SPOCK3: variants seen among roughly 807,000 people sequenced by gnomAD.
SPOCK3 encodes testican-3.
In SPOCK3, 30 loss-of-function variants were observed where a neutral mutation model predicts 56.6. That is an observed-to-expected ratio of 0.53 (90% CI 0.40 to 0.72). The LOEUF (loss-of-function observed/expected upper bound fraction) is 0.72, where lower values mean the gene tolerates loss of function less well. SPOCK3 is among the 30% of genes least tolerant of loss of function. The pLI, the probability that SPOCK3 is intolerant of heterozygous loss-of-function variation, is 0.00. For synonymous variants in SPOCK3, 196 were observed against 183.3 expected (o/e 1.07, Z -0.56); for missense variants, 527 against 530.0 (o/e 0.99, Z 0.06).
chr4:166,996,953 G>GTTAC (rs1383042255), intron 4 of SPOCK3, among the ~76,000 whole-genome samples: 1 of 152,034 alleles, frequency 6.6e-6, no homozygotes, highest in African/African-American at 2.4e-5. Context: ...AAAACCAATC[G>GTTAC]TTACATCCCT....
chr4:167,027,637 C>A (rs555881557), intron 3 of SPOCK3, among the ~76,000 whole-genome samples: 1 of 151,940 alleles, frequency 6.6e-6, no homozygotes, highest in African/African-American at 2.4e-5. Flanking sequence ...CGTTAACAGT[C>A]CATTACACAT....
chr4:166,768,006 T>G (rs1258250395), intron 7 of SPOCK3, among the ~76,000 whole-genome samples: 1 of 119,252 alleles, frequency 8.4e-6, no homozygotes, highest in Non-Finnish European at 1.7e-5. Flanking sequence ...AGACTAGGAT[T>G]GCAAACCCTG....
chr4:167,080,331 T>A (rs1331800077), intron 2 of SPOCK3, among the ~76,000 whole-genome samples: 1 of 152,118 alleles, frequency 6.6e-6, no homozygotes, highest in Non-Finnish European at 1.5e-5. Flanking sequence ...CAAACAAGTT[T>A]CCAATTGTCC....
chr4:167,196,033 A>G (rs181509942), intron 2 of SPOCK3, among the ~76,000 whole-genome samples: 1 of 152,308 alleles, frequency 6.6e-6, no homozygotes, highest in Non-Finnish European at 1.5e-5. Context: ...TGTATATTCT[A>G]TCAGTTCTTT....
Position 167,017,978 on chromosome 4 carries a change from T to C in SPOCK3, c.236-17515A>G, listed in dbSNP as rs558700016. Reference sequence around the variant, plus strand: ...AGTAACAAGTCGTATTGTACATTTTTTTCTTTCTCACGAAGGGACTTATTA... The same window carrying C: ...AGTAACAAGTCGTATTGTACATTTTCTTCTTTCTCACGAAGGGACTTATTA... On this transcript the variant is annotated intron_variant, in intron 3 of 10. Transcript: ENST00000357545. 2.6e-5 allele frequency among the ~76,000 whole-genome samples: 4 copies of C among 152,248 alleles called. No homozygotes were observed. In the East Asian group the frequency reaches 7.7e-4, roughly 29 times the overall value.
At chr4:167,026,162 G>A (rs188198238) in intron 3 of SPOCK3, among the ~76,000 whole-genome samples, 3 of 152,022 alleles carry the variant, frequency 2.0e-5, no homozygotes, top group Non-Finnish European at 4.4e-5. Context: ...GTATGTGACT[G>A]TAAATCAATT....
chr4:166,789,036 T>C (rs1259956389), intron 7 of SPOCK3, among the ~76,000 whole-genome samples: 1 of 150,214 alleles, frequency 6.7e-6, no homozygotes, highest in Non-Finnish European at 1.5e-5. Flanking sequence ...AAAATACATT[T>C]TTATTTGGCT....
At position 166,750,124 on chromosome 4, in the gene SPOCK3, TGATTG is replaced by T. The variant is rs201924560; in HGVS notation, c.931+4379_931+4383del. ...TTTAGAATTTCAAGAAAATCATGAC[TGATTG>T]GATTGTTCAAGTATATATAATATTT... On this transcript the variant is annotated intron_variant, in intron 8 of 10. Transcript: ENST00000357545. Among the ~76,000 whole-genome samples, 350 of 152,286 alleles carry T rather than the reference TGATTG, an allele frequency of 2.3e-3. 1 individual carries two copies. Among genetic ancestry groups the T allele is most frequent in the African/African-American group, 7.4e-3 (306 of 41,564 alleles).
intron 2 of SPOCK3, among the ~76,000 whole-genome samples, chr4:167,082,349 A>G (rs1030604785): frequency 1.3e-5 from 2 of 152,078 alleles, no homozygotes; most frequent in Non-Finnish European, 2.9e-5. Flanking sequence ...AAGTTGCCCA[A>G]TATGACCAGA....
Position 166,976,927 on chromosome 4 carries a change from TAATA to T in SPOCK3, c.350+23418_350+23421del, listed in dbSNP as rs570015268. Among the ~76,000 whole-genome samples the T allele has an allele frequency of 2.4e-4, 36 of 151,826 alleles. 1 individual carries two copies. In the South Asian group the frequency reaches 7.2e-3, roughly 31 times the overall value. On this transcript the variant is annotated intron_variant, in intron 4 of 10. Coordinates refer to ENST00000357545, the MANE Select transcript of SPOCK3 (RefSeq NM_001040159.2). ...TTTTATTATACCATTTGATTCTTTTTAATAATTAAATTTATTTAAAATTAAATTT... is the reference window on the plus strand; with the variant it reads ...TTTTATTATACCATTTGATTCTTTTTATTAAATTTATTTAAAATTAAATTT...
At chr4:166,751,863 G>T (rs934019275) in intron 8 of SPOCK3, among the ~76,000 whole-genome samples, 2 of 151,980 alleles carry the variant, frequency 1.3e-5, no homozygotes, top group African/African-American at 4.8e-5. Flanking sequence ...GGATTACTTA[G>T]AATAAAGAAT....
chr4:166,746,203 C>G (rs1163562522), intron 8 of SPOCK3, among the ~76,000 whole-genome samples: 7 of 152,198 alleles, frequency 4.6e-5, no homozygotes, highest in African/African-American at 9.7e-5. Context: ...AGAAGCACAT[C>G]ACACTTATTC....
At chr4:167,225,735 A>G (rs1439863230) in intron 2 of SPOCK3, among the ~76,000 whole-genome samples, 1 of 152,060 alleles carries the variant, frequency 6.6e-6, no homozygotes, top group Non-Finnish European at 1.5e-5. Flanking sequence ...TCAGTTAAGA[A>G]GTTCAGGCAT....
intron 6 of SPOCK3, among the ~76,000 whole-genome samples, chr4:166,845,491 T>G (rs1370607240): frequency 6.6e-6 from 1 of 152,126 alleles, no homozygotes; most frequent in Non-Finnish European, 1.5e-5. Flanking sequence ...TTTCTCATAT[T>G]TCAGAAAAAA....
rs371271398 is a variant in SPOCK3, at chr4:166,801,793, G to T, written c.590-9504C>A. Reference sequence around the variant, plus strand: ...TAGCAATTGAAACAACTCAATGAAGGTTAGAAAAAGTTCTCCAATATAAAG... The same window carrying T: ...TAGCAATTGAAACAACTCAATGAAGTTTAGAAAAAGTTCTCCAATATAAAG... On this transcript the variant is annotated intron_variant, in intron 6 of 10. Transcript: ENST00000357545. Among the ~76,000 whole-genome samples, 6 of 152,146 alleles carry T rather than the reference G, an allele frequency of 3.9e-5. 1 individual carries two copies. The highest frequency in any genetic ancestry group is 1.4e-4 in the African/African-American group (6 of 41,532).
At chr4:166,967,710 G>A (rs1200068424) in intron 4 of SPOCK3, among the ~76,000 whole-genome samples, 1 of 152,124 alleles carries the variant, frequency 6.6e-6, no homozygotes, top group Non-Finnish European at 1.5e-5. Flanking sequence ...ATTGCAGTGT[G>A]AGAATTAATA....
chr4:167,100,672 A>T lies in SPOCK3; in HGVS notation c.190-38135T>A, dbSNP rs554427109. Among the ~76,000 whole-genome samples, 15 of 152,312 alleles carry T rather than the reference A, an allele frequency of 9.8e-5. No homozygotes were observed. The East Asian group carries it at 2.7e-3, about 27-fold the overall frequency. On this transcript the variant is annotated intron_variant, in intron 2 of 10. Coordinates refer to ENST00000357545, the MANE Select transcript of SPOCK3 (RefSeq NM_001040159.2). The stretch of plus-strand genomic sequence containing the variant: ...TTACATAGAATAAAAATATTAAAAT[A>T]TTCTTAAAAGAGTTTTGATGATTCT...
At chr4:167,058,634 G>T (rs569888406) in intron 3 of SPOCK3, among the ~76,000 whole-genome samples, 2 of 152,156 alleles carry the variant, frequency 1.3e-5, no homozygotes, top group Admixed American at 1.3e-4. Context: ...TTTCTTCACA[G>T]AATTGGAAAA....
intron 3 of SPOCK3, among the ~76,000 whole-genome samples, chr4:167,032,653 C>T (rs1022167704): frequency 2.6e-5 from 4 of 151,404 alleles, no homozygotes; most frequent in African/African-American, 9.7e-5. Flanking sequence ...ACTAAAATAC[C>T]CGAGCTTTAT....
Sources: gnomAD v4.1 joint callset for allele counts (sites outside exome capture counted in the v4.1 genomes callset) on GRCh38, gnomAD v4.1.1 for gene constraint, MANE v1.5 for transcripts, NCBI Gene and HGNC (gene_info 2026-07-23, HGNC 2026-07-21) for gene names.